The following SPON1 variants were observed in gnomAD, a reference collection of about 807,000 sequenced individuals.
SPON1 encodes spondin 1, also known as spondin-1.
Under a neutral mutation model 111.7 loss-of-function variants are expected in SPON1, and 52 were observed. That is an observed-to-expected ratio of 0.47 (90% CI 0.37 to 0.59). SPON1 has a LOEUF of 0.59. Ranked by LOEUF, SPON1 falls within the 20% of genes least tolerant of loss-of-function variation. The pLI is 0.00. For synonymous variants in SPON1, 410 were observed against 395.8 expected (o/e 1.04, Z -0.43); for missense variants, 957 against 1,068.5 (o/e 0.90, Z 1.46).
At chr11:14,106,696 C>G (rs1849187412) in intron 5 of SPON1, among the ~76,000 whole-genome samples, 1 of 152,184 alleles carries the variant, frequency 6.6e-6, no homozygotes, top group South Asian at 2.1e-4. Context: ...GAAATCGCAG[C>G]ATAGGCAGCC....
chr11:14,148,236 G>T (rs1475613928), intron 6 of SPON1, among the ~76,000 whole-genome samples: 2 of 152,074 alleles, frequency 1.3e-5, no homozygotes, highest in Admixed American at 6.6e-5. Context: ...CATTAAAAAA[G>T]AAAATGCAGC....
At chr11:14,046,284 G>T (rs1289544229) in intron 3 of SPON1, among the ~76,000 whole-genome samples, 1 of 152,158 alleles carries the variant, frequency 6.6e-6, no homozygotes, top group Non-Finnish European at 1.5e-5. Flanking sequence ...CTAATTCCTT[G>T]TGGACTCTCC....
intron 6 of SPON1, among the ~76,000 whole-genome samples, chr11:14,176,089 A>T (rs904679334): frequency 6.6e-6 from 1 of 152,116 alleles, no homozygotes; most frequent in Non-Finnish European, 1.5e-5. Flanking sequence ...TGGGAAAGGC[A>T]AAGAGCAGAC....
At chr11:14,056,839 G>A (rs1186603495) in intron 3 of SPON1, among the ~76,000 whole-genome samples, 5 of 152,070 alleles carry the variant, frequency 3.3e-5, no homozygotes, top group African/African-American at 9.7e-5. Flanking sequence ...TGCAGTAAGC[G>A]GAGATCGCGC....
Position 14,075,390 on chromosome 11 carries a change from C to G in SPON1, c.525C>G (p.Gly175=). Residue 175 remains glycine (G), a synonymous_variant, in exon 4 of 16, where the codon GGC becomes GGG. Coordinates refer to ENST00000576479, the MANE Select transcript of SPON1 (RefSeq NM_006108.4). The part of the protein sequence containing the change: ...QKRIIYFQDE[G]SLTKKLCEQD... The stretch of plus-strand genomic sequence containing the variant: ...GCATTATTTATTTTCAAGATGAGGG[C>G]TCTCTGACCAAGAAACTTTGTGAAC... 1 of 1,559,868 alleles carries G rather than the reference C, an allele frequency of 6.4e-7. No homozygotes were observed. Among genetic ancestry groups the G allele is most frequent in the Non-Finnish European group, 8.7e-7 (1 of 1,150,846 alleles).
Position 13,962,760 on chromosome 11 carries a change from G to A in SPON1, c.-145G>A. The A allele has an allele frequency of 1.4e-6, 1 of 720,320 alleles. No individual in the cohort carries two copies. The allele number at this position is 720,320 out of a possible 1,614,324, so 44.6% of individuals were successfully genotyped here. ...CTCCGCGGCCGCCAAGCCGAGGCGG[G>A]CACGGTCTCCGAGTCGCGGACGCCA... On this transcript the variant is annotated 5_prime_UTR_variant, in exon 1 of 16. Transcript: ENST00000576479.
chr11:14,055,568 A>C (rs1848739130), intron 3 of SPON1, among the ~76,000 whole-genome samples: 2 of 152,228 alleles, frequency 1.3e-5, no homozygotes, highest in African/African-American at 4.8e-5. Flanking sequence ...ATCTGTGAGA[A>C]TCCTTAGGGA....
intron 3 of SPON1, among the ~76,000 whole-genome samples, chr11:14,054,475 A>G (rs1554918953): frequency 6.6e-6 from 1 of 152,246 alleles, no homozygotes; most frequent in Non-Finnish European, 1.5e-5. Context: ...GGCATGATTA[A>G]CAATGATATC....
At chr11:14,047,922 C>A (rs1399402842) in intron 3 of SPON1, among the ~76,000 whole-genome samples, 1 of 152,156 alleles carries the variant, frequency 6.6e-6, no homozygotes, top group African/African-American at 2.4e-5. Context: ...GACTGACACA[C>A]TGGGAGGAAT....
chr11:14,250,284 G>GA (rs1175558266), intron 7 of SPON1, among the ~76,000 whole-genome samples: 1 of 150,618 alleles, frequency 6.6e-6, no homozygotes, highest in Non-Finnish European at 1.5e-5. Flanking sequence ...TTTCAAAGTT[G>GA]AAAAAATTAA....
At chr11:14,201,296 C>T (rs369102827) in intron 6 of SPON1, among the ~76,000 whole-genome samples, 13 of 151,850 alleles carry the variant, frequency 8.6e-5, no homozygotes, top group East Asian at 1.9e-4. Flanking sequence ...GCCAAGATCA[C>T]GCCACTGCAC....
intron 6 of SPON1, among the ~76,000 whole-genome samples, chr11:14,160,780 TTTTA>T (rs1323913789): frequency 4.1e-4 from 13 of 31,356 alleles, no homozygotes; most frequent in African/African-American, 1.5e-3. Context: ...TTATATATAT[TTTTA>T]TATATATTTA....
chr11:13,970,095 T>G (rs1023717894), intron 1 of SPON1, among the ~76,000 whole-genome samples: 12 of 152,208 alleles, frequency 7.9e-5, no homozygotes, highest in Non-Finnish European at 1.3e-4. Flanking sequence ...CAAATGCACC[T>G]CTCTTGGAGC....
chr11:13,970,522 C>T (rs141591902), intron 1 of SPON1, among the ~76,000 whole-genome samples: 94 of 152,252 alleles, frequency 6.2e-4, no homozygotes, highest in African/African-American at 2.1e-3. Context: ...GGAGTGTGGG[C>T]AGGTGGGCAC....
At chr11:14,058,919 G>C (rs1313518961) in intron 3 of SPON1, among the ~76,000 whole-genome samples, 1 of 152,184 alleles carries the variant, frequency 6.6e-6, no homozygotes, top group Non-Finnish European at 1.5e-5. Context: ...CCAAGCTTTT[G>C]ATCTACCACA....
intron 6 of SPON1, among the ~76,000 whole-genome samples, chr11:14,241,075 G>A (rs1343620420): frequency 2.0e-5 from 3 of 150,524 alleles, no homozygotes; most frequent in African/African-American, 7.3e-5. Flanking sequence ...TATAATGCCT[G>A]CACACACACA....
intron 6 of SPON1, among the ~76,000 whole-genome samples, chr11:14,212,441 G>T (rs1848586650): frequency 6.6e-6 from 1 of 152,240 alleles, no homozygotes; most frequent in Admixed American, 6.5e-5. Flanking sequence ...TTTTCAGTCA[G>T]TTAGCATATA....
chr11:14,171,247 A>G (rs568444486), intron 6 of SPON1, among the ~76,000 whole-genome samples: 1,839 of 152,236 alleles, frequency 0.012, 34 homozygotes, highest in African/African-American at 0.042. Flanking sequence ...CCAGGAATTT[A>G]TCCATTTCTT....
intron 6 of SPON1, among the ~76,000 whole-genome samples, chr11:14,196,330 G>C (rs1848401449): frequency 6.6e-6 from 1 of 152,120 alleles, no homozygotes; most frequent in Non-Finnish European, 1.5e-5. Flanking sequence ...GGGAAGATGG[G>C]GAGTGACAAC....
Sources: allele counts gnomAD v4.1 joint callset (sites outside exome capture counted in the v4.1 genomes callset), GRCh38; gene constraint gnomAD v4.1.1; transcripts MANE v1.5; gene names NCBI Gene and HGNC (gene_info 2026-07-23, HGNC 2026-07-21).